PCDH15: variants seen among roughly 807,000 people sequenced by gnomAD.
The protein encoded by PCDH15 is protocadherin related 15.
A neutral mutation model predicts 178.5 loss-of-function variants in PCDH15; 129 were observed. That is an observed-to-expected ratio of 0.72 (90% CI 0.63 to 0.84). The LOEUF is 0.84. Among genes scored for constraint, PCDH15 ranks in the 40% least tolerant of loss-of-function variants. The probability of loss-of-function intolerance (pLI) is 0.00; values close to 1 mark genes in which losing one functional copy is unlikely to be tolerated. For synonymous variants in PCDH15, 800 were observed against 732.0 expected, an observed-to-expected ratio of 1.09 and a Z score of -1.50; for missense variants, 2,230 against 2,099.9, an observed-to-expected ratio of 1.06 and a Z score of -1.21.
intron 21 of PCDH15, among the ~76,000 whole-genome samples, chr10:53,977,870 A>AG (rs1400126945): frequency 2.0e-5 from 3 of 152,180 alleles, no homozygotes; most frequent in East Asian, 1.9e-4. Context: ...TCTAAAATCC[A>AG]GGGGGGAAGT....
chr10:54,279,888 G>T (rs1357400169), intron 8 of PCDH15, among the ~76,000 whole-genome samples: 1 of 151,670 alleles, frequency 6.6e-6, no homozygotes, highest in East Asian at 1.9e-4. Flanking sequence ...AAAAATAAAT[G>T]TAGGACATTA....
intron 2 of PCDH15, among the ~76,000 whole-genome samples, chr10:55,048,304 G>A (rs749055505): frequency 1.3e-5 from 2 of 151,618 alleles, no homozygotes; most frequent in East Asian, 1.9e-4. Flanking sequence ...AAGGAGAGTC[G>A]CTGAAAGCTA....
chr10:54,600,793 T>C (rs992678124), intron 2 of PCDH15: 17 of 418,704 alleles, frequency 4.1e-5, no homozygotes, highest in African/African-American at 3.3e-4. Context: ...ACATTGTATT[T>C]TACTTTGTGC....
chr10:54,344,514 A>G (rs933985050), intron 6 of PCDH15, among the ~76,000 whole-genome samples: 3 of 152,166 alleles, frequency 2.0e-5, no homozygotes, highest in Non-Finnish European at 4.4e-5. Flanking sequence ...ATTTTTATGC[A>G]TGCAATAAAT....
At chr10:54,389,115 G>A (rs564119817) in intron 3 of PCDH15, among the ~76,000 whole-genome samples, 1 of 150,558 alleles carries the variant, frequency 6.6e-6, no homozygotes, top group African/African-American at 2.4e-5. Flanking sequence ...CTGTTACAGC[G>A]TCCCTCACTG....
chr10:55,310,890 G>C (rs1843568946), intron 1 of PCDH15, among the ~76,000 whole-genome samples: 1 of 152,158 alleles, frequency 6.6e-6, no homozygotes, highest in South Asian at 2.1e-4. Flanking sequence ...GAGGGGCTAG[G>C]GGAGGGATAG....
At chr10:54,789,872 G>A (rs575247877) in intron 1 of PCDH15, among the ~76,000 whole-genome samples, 1 of 151,938 alleles carries the variant, frequency 6.6e-6, no homozygotes, top group African/African-American at 2.4e-5. Context: ...GTAAATGGAA[G>A]GTCATAATTA....
intron 3 of PCDH15, among the ~76,000 whole-genome samples, chr10:54,815,636 C>T (rs1316965521): frequency 2.0e-5 from 3 of 152,012 alleles, no homozygotes; most frequent in African/African-American, 2.4e-5. Flanking sequence ...ATACCCAAAC[C>T]GTGAATAACA....
intron 2 of PCDH15, among the ~76,000 whole-genome samples, chr10:55,393,647 C>T (rs890230085): frequency 6.6e-6 from 1 of 152,154 alleles, no homozygotes; most frequent in African/African-American, 2.4e-5. Flanking sequence ...AAAACCCACA[C>T]TTTTGCTGAA....
At chr10:54,496,882 T>C (rs142619354) in intron 3 of PCDH15, among the ~76,000 whole-genome samples, 11 of 152,292 alleles carry the variant, frequency 7.2e-5, no homozygotes, top group African/African-American at 2.6e-4. Flanking sequence ...TCCATAACTT[T>C]ACCCGTTCTG....
At chr10:55,138,462 C>A (rs1838262643) in intron 2 of PCDH15, among the ~76,000 whole-genome samples, 1 of 151,992 alleles carries the variant, frequency 6.6e-6, no homozygotes, top group African/African-American at 2.4e-5. Context: ...GTGACTGTGG[C>A]CAGTATAGCC....
At position 55,572,526 on chromosome 10, in the gene PCDH15, A is replaced by C. The variant is rs181526161; in HGVS notation, c.-156+55099T>G. Among the ~76,000 whole-genome samples, 1,088 of 152,110 alleles carry C rather than the reference A, an allele frequency of 7.2e-3. 6 individuals carry two copies. The highest frequency in any genetic ancestry group is 0.023 in the South Asian group (113 of 4,828). On this transcript the variant is annotated intron_variant, in intron 2 of 5. Transcript: ENST00000613346. ...TAAGCACTGAAGAAATGCAATGATC[A>C]AAACACATACAATTATGCTATCTTG...
At chr10:54,107,693 G>T (rs1564435455) in intron 15 of PCDH15, among the ~76,000 whole-genome samples, 1 of 152,158 alleles carries the variant, frequency 6.6e-6, no homozygotes, top group Non-Finnish European at 1.5e-5. Context: ...GGGTGTCCTA[G>T]ACTGAGTGAT....
Position 55,039,261 on chromosome 10 carries a change from A to G in PCDH15, c.-80+127315T>C, listed in dbSNP as rs534474913. On this transcript the variant is annotated intron_variant, in intron 2 of 5. Coordinates refer to the PCDH15 transcript ENST00000458638. Reference sequence around the variant, plus strand: ...AGATACTGAAGGCAGAATCAGAAAGAGCTTATTTTAATTGTGTTCATGAAG... The same window carrying G: ...AGATACTGAAGGCAGAATCAGAAAGGGCTTATTTTAATTGTGTTCATGAAG... Among the ~76,000 whole-genome samples, 64 of 152,274 alleles carry G rather than the reference A, an allele frequency of 4.2e-4. No individual in the cohort carries two copies. The South Asian group carries it at 0.013, about 32-fold the overall frequency.
intron 13 of PCDH15, among the ~76,000 whole-genome samples, chr10:54,159,605 C>T (rs1357775591): frequency 6.6e-6 from 1 of 152,066 alleles, no homozygotes; most frequent in Non-Finnish European, 1.5e-5. Context: ...AACTACTCTT[C>T]TTGGTTTGCT....
intron 2 of PCDH15, among the ~76,000 whole-genome samples, chr10:55,601,074 C>T (rs1429682280): frequency 6.6e-6 from 1 of 151,982 alleles, no homozygotes; most frequent in African/African-American, 2.4e-5. Flanking sequence ...AATAAATGAT[C>T]TAGGAGCTTT....
intron 18 of PCDH15, among the ~76,000 whole-genome samples, chr10:54,040,879 C>T (rs10740569): frequency 0.47 from 71,866 of 151,802 alleles, 17,408 homozygotes; most frequent in Middle Eastern, 0.64. Flanking sequence ...TGCCAATATA[C>T]GAAGATTTGG....
intron 32 of PCDH15, among the ~76,000 whole-genome samples, chr10:53,824,630 G>GCAAA (rs1254204554): frequency 6.6e-6 from 1 of 152,060 alleles, no homozygotes; most frequent in South Asian, 2.1e-4. Flanking sequence ...TAATCAGAGT[G>GCAAA]CAAACAAACA....
intron 2 of PCDH15, among the ~76,000 whole-genome samples, chr10:55,404,492 C>T (rs1283398079): frequency 1.3e-5 from 2 of 151,838 alleles, no homozygotes; most frequent in Admixed American, 6.6e-5. Flanking sequence ...TTCTTTTTTT[C>T]TTACAGTTTT....
Sources: allele counts gnomAD v4.1 joint callset (sites outside exome capture counted in the v4.1 genomes callset), GRCh38; gene constraint gnomAD v4.1.1; transcripts MANE v1.5; gene names NCBI Gene and HGNC (gene_info 2026-07-23, HGNC 2026-07-21).